The following FA2H variants were observed in gnomAD, a reference collection of about 807,000 sequenced individuals.
FA2H encodes fatty acid alpha-hydroxylase.
In FA2H, 22 loss-of-function variants were observed where a neutral mutation model predicts 44.9. The observed-to-expected ratio is 0.49, with a 90% confidence interval of 0.35 to 0.70. The LOEUF (loss-of-function observed/expected upper bound fraction) is 0.70. FA2H is among the 30% of genes least tolerant of loss of function. FA2H has a pLI of 0.01. For missense variants in FA2H, 501 were observed against 504.9 expected, an observed-to-expected ratio of 0.99 and a Z score of 0.07; for synonymous variants, 243 against 213.2, an observed-to-expected ratio of 1.14 and a Z score of -1.22.
At chr16:74,741,808 A>ATATATATATGTGTG (rs1491185782) in intron 1 of FA2H, among the ~76,000 whole-genome samples, 75 of 48,354 alleles carry the variant, frequency 1.6e-3, no homozygotes, top group Admixed American at 2.6e-3. Context: ...ATATATATAT[A>ATATATATATGTGTG]TGTGTGTGTG....
chr16:74,715,570 G>A (rs1404393556), intron 6 of FA2H, among the ~76,000 whole-genome samples: 1 of 152,178 alleles, frequency 6.6e-6, no homozygotes, highest in Admixed American at 6.5e-5. Context: ...GGGATTATAG[G>A]CCTGAGCCAC....
intron 1 of FA2H, among the ~76,000 whole-genome samples, chr16:74,758,840 C>T (rs368506836): frequency 4.6e-5 from 7 of 152,330 alleles, no homozygotes; most frequent in African/African-American, 1.7e-4. Flanking sequence ...GAAAAATCTC[C>T]TTCCCAGCCC....
Position 74,745,799 on chromosome 16 carries a change from ATTTTTTTTTT to A in FA2H, c.271-5694_271-5685del, listed in dbSNP as rs11365398. Among the ~76,000 whole-genome samples the A allele has an allele frequency of 1.7e-4, 12 of 72,460 alleles. No individual in the cohort carries two copies. The South Asian group carries it at 2.2e-3, about 13-fold the overall frequency. 47.5% of individuals were successfully genotyped at this position (72,460 alleles called of 152,430 possible). A position where few individuals can be genotyped will look rare whatever the true frequency, so the allele number is the denominator to read the frequency against. On this transcript the variant is annotated intron_variant, in intron 1 of 6. Coordinates refer to ENST00000219368, the MANE Select transcript of FA2H (RefSeq NM_024306.5). ...GATGGTATCGAGTCACTGTCAATGGATTTTTTTTTTTTTTTTTTTTTTTTGAGACAGAGTC... is the reference window on the plus strand; with the variant it reads ...GATGGTATCGAGTCACTGTCAATGGATTTTTTTTTTTTTTGAGACAGAGTC...
intron 1 of FA2H, among the ~76,000 whole-genome samples, chr16:74,740,890 G>A (rs750009117): frequency 1.3e-5 from 2 of 152,086 alleles, no homozygotes; most frequent in Non-Finnish European, 2.9e-5. Context: ...GTCACAGGCT[G>A]TGGCTTCTAG....
At chr16:74,764,323 G>A (rs766438015) in intron 1 of FA2H, among the ~76,000 whole-genome samples, 9 of 152,056 alleles carry the variant, frequency 5.9e-5, no homozygotes, top group South Asian at 2.1e-4. Flanking sequence ...CAACCCAAAC[G>A]CCCATCAATG....
At chr16:74,720,505 C>T (rs1385127739) in intron 4 of FA2H, among the ~76,000 whole-genome samples, 1 of 151,996 alleles carries the variant, frequency 6.6e-6, no homozygotes, top group Non-Finnish European at 1.5e-5. Context: ...CCATCCTCAT[C>T]CTCTTATCTT....
chr16:74,716,315 T>C (rs201153288), intron 6 of FA2H, 32 bp downstream of exon 6: 27 of 1,610,276 alleles, frequency 1.7e-5, no homozygotes, highest in East Asian at 6.7e-5. Flanking sequence ...TGAACACACA[T>C]AGGGGGCTGG....
chr16:74,769,697 T>C (rs1962870368), intron 1 of FA2H, among the ~76,000 whole-genome samples: 1 of 152,212 alleles, frequency 6.6e-6, no homozygotes, highest in Admixed American at 6.5e-5. Flanking sequence ...TCCTTGTCTA[T>C]TTCTTTTGTG....
At chr16:74,716,188 T>A (rs1597537779) in intron 6 of FA2H, among the ~76,000 whole-genome samples, 159 bp downstream of exon 6, 2 of 152,146 alleles carry the variant, frequency 1.3e-5, no homozygotes, top group Non-Finnish European at 2.9e-5. Context: ...CTTGCCTGTC[T>A]CTGCACAGCT....
intron 1 of FA2H, among the ~76,000 whole-genome samples, chr16:74,745,799 A>ATT (rs11365398): frequency 1.0e-3 from 75 of 72,430 alleles, no homozygotes; most frequent in African/African-American, 2.9e-3. Context: ...CTGTCAATGG[A>ATT]TTTTTTTTTT....
Position 74,714,218 on chromosome 16 carries a change from G to A in FA2H, c.1091C>T (p.Pro364Leu), listed in dbSNP as rs1423316562. 4 of 1,566,490 alleles carry A rather than the reference G, an allele frequency of 2.6e-6. No homozygotes were observed. The highest frequency in any genetic ancestry group is 2.6e-6 in the Non-Finnish European group (3 of 1,155,094). Residue 364 changes from proline to leucine, a missense_variant, in exon 7 of 7, where the codon CCA becomes CTA. Physicochemically the swap from Pro to Leu is moderately conservative, Grantham distance 98. Transcript: ENST00000219368. ...LWDYCFHTLT[P>L]EKPHLKTQ ...CTGCGTCTTCAGGTGGGGTTTCTCT[G>A]GAGTGAGGGTGTGGAAACAGTAATC...
At chr16:74,750,554 GCAA>G (rs1039521742) in intron 1 of FA2H, among the ~76,000 whole-genome samples, 11 of 152,238 alleles carry the variant, frequency 7.2e-5, no homozygotes, top group Admixed American at 2.6e-4. Context: ...AACAAGAGCA[GCAA>G]CAACAACAAC....
At position 74,726,475 on chromosome 16, in the gene FA2H, G is replaced by A. The variant is rs545055197; in HGVS notation, c.507-144C>T. 40 of 598,288 alleles carry A rather than the reference G, an allele frequency of 6.7e-5. No homozygotes were observed. In the South Asian group the frequency reaches 6.8e-4, roughly 10 times the overall value. The allele number at this position is 598,288 out of a possible 1,614,324, so 37.1% of individuals were successfully genotyped here. On this transcript the variant is annotated intron_variant, in intron 3 of 6. Transcript: ENST00000219368. ...GTGATTTCGGCTCACTGCAACCTCTGCCTCTGGGGTTCAAGTGACTCTTCT... is the reference window on the plus strand; with the variant it reads ...GTGATTTCGGCTCACTGCAACCTCTACCTCTGGGGTTCAAGTGACTCTTCT...
chr16:74,756,657 G>A (rs1287538681), intron 1 of FA2H, among the ~76,000 whole-genome samples: 1 of 151,874 alleles, frequency 6.6e-6, no homozygotes, highest in East Asian at 1.9e-4. Context: ...TGATTTCATT[G>A]GTATAGAATA....
intron 2 of FA2H, among the ~76,000 whole-genome samples, chr16:74,733,159 C>T (rs1713157950): frequency 1.3e-5 from 2 of 152,174 alleles, no homozygotes; most frequent in African/African-American, 4.8e-5. Context: ...GGGAAGGTGC[C>T]CACTTCACTC....
intron 1 of FA2H, among the ~76,000 whole-genome samples, chr16:74,767,751 G>C (rs189548810): frequency 3.3e-5 from 5 of 152,330 alleles, no homozygotes; most frequent in Non-Finnish European, 7.3e-5. Flanking sequence ...TTTTACTTTG[G>C]AACTGTAAGA....
intron 1 of FA2H, 53 bp downstream of exon 1, chr16:74,774,433 T>C (rs1962969078): frequency 6.9e-7 from 1 of 1,453,352 alleles, no homozygotes; most frequent in Non-Finnish European, 9.0e-7. Flanking sequence ...CGCCCGGGAG[T>C]GGAAGGCTGA....
intron 2 of FA2H, 47 bp from the exon 3 acceptor site, chr16:74,727,433 A>G (rs1483641157): frequency 6.3e-7 from 1 of 1,599,460 alleles, no homozygotes; most frequent in Non-Finnish European, 8.6e-7. Context: ...ACGTCTTCCC[A>G]TATTCGTTCT....
At chr16:74,732,654 G>A (rs1447778497) in intron 2 of FA2H, among the ~76,000 whole-genome samples, 1 of 151,894 alleles carries the variant, frequency 6.6e-6, no homozygotes, top group South Asian at 2.1e-4. Flanking sequence ...GACCAGACTG[G>A]TCTTGAACTC....
Sources: gnomAD v4.1 joint callset for allele counts (sites outside exome capture counted in the v4.1 genomes callset) on GRCh38, gnomAD v4.1.1 for gene constraint, MANE v1.5 for transcripts, NCBI Gene and HGNC (gene_info 2026-07-23, HGNC 2026-07-21) for gene names.